The following AGBL4 variants were observed in gnomAD, a reference collection of about 807,000 sequenced individuals.
The protein encoded by AGBL4 is cytosolic carboxypeptidase 6.
AGBL4 carries 58 observed loss-of-function variants against 66.4 expected under a neutral mutation model. That is an observed-to-expected ratio of 0.87 (90% CI 0.71 to 1.09). The LOEUF (loss-of-function observed/expected upper bound fraction) is 1.09, where lower values mean the gene tolerates loss of function less well. Ranked by LOEUF, AGBL4 falls within the 50% of genes least tolerant of loss-of-function variation. The pLI is 0.00. For missense variants in AGBL4, 579 were observed against 631.0 expected, an observed-to-expected ratio of 0.92 and a Z score of 0.88; for synonymous variants, 234 against 222.9, an observed-to-expected ratio of 1.05 and a Z score of -0.44.
intron 3 of AGBL4, among the ~76,000 whole-genome samples, chr1:49,384,905 C>T (rs1164263903): frequency 6.6e-6 from 1 of 152,194 alleles, no homozygotes; most frequent in African/African-American, 2.4e-5. Context: ...TATTTGCACA[C>T]TCATGTTCAT....
chr1:49,035,422 C>T (rs758016934), intron 5 of AGBL4, among the ~76,000 whole-genome samples: 11 of 152,046 alleles, frequency 7.2e-5, no homozygotes, highest in Non-Finnish European at 1.3e-4. Context: ...CTTGGAGGAG[C>T]CAAGAGGGTG....
intron 6 of AGBL4, among the ~76,000 whole-genome samples, chr1:48,748,625 T>C (rs952632664): frequency 6.6e-6 from 1 of 151,826 alleles, no homozygotes; most frequent in Non-Finnish European, 1.5e-5. Flanking sequence ...TAGGGTGGGG[T>C]AGTTCTCATA....
chr1:49,645,030 C>T (rs1215129430), intron 3 of AGBL4, among the ~76,000 whole-genome samples: 1 of 151,338 alleles, frequency 6.6e-6, no homozygotes, highest in Non-Finnish European at 1.5e-5. Context: ...ACTCAAATGA[C>T]CCATAGGGCA....
intron 2 of AGBL4, among the ~76,000 whole-genome samples, chr1:49,772,445 T>C (rs1291119364): frequency 6.6e-6 from 1 of 152,184 alleles, no homozygotes; most frequent in African/African-American, 2.4e-5. Flanking sequence ...GAGTAGCACT[T>C]ACCTATACTA....
At chr1:50,014,426 T>C (rs1020319288) in intron 1 of AGBL4, among the ~76,000 whole-genome samples, 3 of 151,942 alleles carry the variant, frequency 2.0e-5, no homozygotes, top group Non-Finnish European at 2.9e-5. Context: ...AGCATTTGCT[T>C]TGGACCTGCT....
At chr1:49,840,728 A>G (rs1239137652) in intron 2 of AGBL4, among the ~76,000 whole-genome samples, 2 of 152,206 alleles carry the variant, frequency 1.3e-5, no homozygotes, top group African/African-American at 4.8e-5. Flanking sequence ...TACCACATGA[A>G]CAGAATTAAA....
At chr1:49,843,683 T>A (rs767507875) in intron 2 of AGBL4, among the ~76,000 whole-genome samples, 85 of 152,322 alleles carry the variant, frequency 5.6e-4, no homozygotes, top group Non-Finnish European at 1.2e-3. Context: ...CTCCCTCCCA[T>A]GTAATGGGAA....
At chr1:49,327,756 A>T (rs1645254786) in intron 3 of AGBL4, among the ~76,000 whole-genome samples, 1 of 152,226 alleles carries the variant, frequency 6.6e-6, no homozygotes, top group Admixed American at 6.5e-5. Context: ...TGCATTAGAG[A>T]TTAAATTTCA....
intron 9 of AGBL4, among the ~76,000 whole-genome samples, chr1:48,626,675 C>G (rs1340046337): frequency 1.3e-5 from 2 of 152,170 alleles, no homozygotes; most frequent in Non-Finnish European, 2.9e-5. Flanking sequence ...GAGCACCAAG[C>G]AAATGAGTGG....
intron 6 of AGBL4, among the ~76,000 whole-genome samples, chr1:48,682,622 G>A (rs563809506): frequency 2.6e-4 from 39 of 152,170 alleles, no homozygotes; most frequent in African/African-American, 8.7e-4. Flanking sequence ...CAAACTCCTG[G>A]GCTCAAGCAA....
chr1:49,890,999 A>T (rs1648586977), intron 1 of AGBL4, among the ~76,000 whole-genome samples: 1 of 152,216 alleles, frequency 6.6e-6, no homozygotes, highest in African/African-American at 2.4e-5. Context: ...AAACAATGAG[A>T]TTGAGAGAGG....
At chr1:49,804,156 T>G (rs1204921946) in intron 2 of AGBL4, among the ~76,000 whole-genome samples, 1 of 152,182 alleles carries the variant, frequency 6.6e-6, no homozygotes, top group African/African-American at 2.4e-5. Context: ...AAAGTATAAC[T>G]TTAAAAGCAC....
intron 2 of AGBL4, among the ~76,000 whole-genome samples, chr1:49,707,302 C>A (rs1647277290): frequency 1.4e-5 from 2 of 138,838 alleles, no homozygotes; most frequent in South Asian, 4.7e-4. Context: ...TAATGCATTT[C>A]TTTATCTTTT....
chr1:49,872,558 T>G (rs1194232352), intron 1 of AGBL4, among the ~76,000 whole-genome samples: 2 of 152,084 alleles, frequency 1.3e-5, no homozygotes, highest in Non-Finnish European at 2.9e-5. Flanking sequence ...TCTTGGGACC[T>G]CAAAAGAAAT....
chr1:49,494,893 A>C (rs1647397179), intron 3 of AGBL4, among the ~76,000 whole-genome samples: 1 of 152,052 alleles, frequency 6.6e-6, no homozygotes, highest in Admixed American at 6.5e-5. Context: ...TCCCACCAAC[A>C]GTGTAAAAGT....
intron 1 of AGBL4, among the ~76,000 whole-genome samples, chr1:49,883,769 T>C (rs942741242): frequency 1.3e-5 from 2 of 151,872 alleles, no homozygotes; most frequent in Non-Finnish European, 2.9e-5. Flanking sequence ...TACAATATAA[T>C]GAGATGAAGT....
intron 8 of AGBL4, among the ~76,000 whole-genome samples, chr1:48,640,450 C>A (rs1225612847): frequency 6.6e-6 from 1 of 152,096 alleles, no homozygotes; most frequent in Non-Finnish European, 1.5e-5. Flanking sequence ...GGATGAATAC[C>A]TTGCAGGTTT....
At chr1:49,835,025 G>T (rs1336649942) in intron 2 of AGBL4, among the ~76,000 whole-genome samples, 1 of 152,158 alleles carries the variant, frequency 6.6e-6, no homozygotes, top group Non-Finnish European at 1.5e-5. Flanking sequence ...GTGTGATATG[G>T]TGCTGAGAAG....
In AGBL4 at chr1:49,705,079, G is replaced by A. The variant is rs970688781; in HGVS notation, c.158-7642C>T. On this transcript the variant is annotated intron_variant, in intron 2 of 13. Coordinates refer to ENST00000371839, the MANE Select transcript of AGBL4 (RefSeq NM_032785.4). ...ATGAGCATGGAATGTTTTTCCACTC[G>A]TTTGTGTCCTCTCTTATTTCCTTGA... Among the ~76,000 whole-genome samples, 8 of 152,100 alleles carry A rather than the reference G, an allele frequency of 5.3e-5. No individual in the cohort carries two copies. The South Asian group carries it at 6.2e-4, about 12-fold the overall frequency.
Sources: allele counts gnomAD v4.1 joint callset (sites outside exome capture counted in the v4.1 genomes callset), GRCh38; gene constraint gnomAD v4.1.1; transcripts MANE v1.5; gene names NCBI Gene and HGNC (gene_info 2026-07-23, HGNC 2026-07-21).